Variants in EIPR1 observed in about 807,000 individuals in gnomAD.
The protein encoded by EIPR1 is EARP and GARP complex-interacting protein 1.
EIPR1 carries 25 observed loss-of-function variants against 48.1 expected under a neutral mutation model. The ratio of observed to expected loss-of-function variants is 0.52; its 90% CI spans 0.38 to 0.73. The LOEUF (loss-of-function observed/expected upper bound fraction) is 0.73, where lower values mean the gene tolerates loss of function less well. Ranked by LOEUF, EIPR1 falls within the 30% of genes least tolerant of loss-of-function variation. EIPR1 has a pLI of 0.00. For synonymous variants in EIPR1, 204 were observed against 201.9 expected, an observed-to-expected ratio of 1.01 and a Z score of -0.09; for missense variants, 415 against 506.2, an observed-to-expected ratio of 0.82 and a Z score of 1.73.
intron 3 of EIPR1, among the ~76,000 whole-genome samples, chr2:3,290,833 T>C (rs887143111): frequency 1.3e-5 from 2 of 152,286 alleles, no homozygotes; most frequent in Middle Eastern, 6.8e-3. Context: ...TGCCATCAGA[T>C]TGCATGTGTC....
chr2:3,327,503 TTTTATTGTC>T (rs1462791477), intron 3 of EIPR1, among the ~76,000 whole-genome samples: 2 of 152,104 alleles, frequency 1.3e-5, no homozygotes, highest in Non-Finnish European at 2.9e-5. Flanking sequence ...TTTAAAAAAA[TTTTATTGTC>T]TATACTTAAG....
chr2:3,266,180 C>A (rs1241195332), intron 3 of EIPR1, among the ~76,000 whole-genome samples: 1 of 152,214 alleles, frequency 6.6e-6, no homozygotes, highest in Admixed American at 6.5e-5. Context: ...CTCCAGTCAG[C>A]CCGGCTAAAG....
At chr2:3,370,185 G>A (rs1363255582) in intron 1 of EIPR1, among the ~76,000 whole-genome samples, 1 of 152,322 alleles carries the variant, frequency 6.6e-6, no homozygotes, top group Non-Finnish European at 1.5e-5. Context: ...GGTCCTGTCT[G>A]TTAGAAGGAA....
At position 3,286,432 on chromosome 2, in the gene EIPR1, C is replaced by A. The variant is rs114745127; in HGVS notation, c.260-28977G>T. 3.9e-5 allele frequency among the ~76,000 whole-genome samples: 6 copies of A among 152,094 alleles called. No individual in the cohort carries two copies. Among genetic ancestry groups the A allele is most frequent in the African/African-American group, 7.2e-5 (3 of 41,414 alleles). On this transcript the variant is annotated intron_variant, in intron 3 of 8. Coordinates refer to ENST00000382125, the MANE Select transcript of EIPR1 (RefSeq NM_003310.5). This position sits in a 1 kb window ranked among gnomAD's most constrained non-coding sequence, Gnocchi z 4.2. Reference sequence around the variant, plus strand: ...GCCCAGAAGGAGCAGTGCCAAGGACCCCCGGGGGTGGGGCCATCCTACCAG... The same window carrying A: ...GCCCAGAAGGAGCAGTGCCAAGGACACCCGGGGGTGGGGCCATCCTACCAG...
chr2:3,359,004 G>A (rs972891377), intron 1 of EIPR1, among the ~76,000 whole-genome samples: 2 of 152,204 alleles, frequency 1.3e-5, no homozygotes, highest in Admixed American at 6.5e-5. Flanking sequence ...AGTGGCAGGT[G>A]CTGTGGAGGC....
chr2:3,227,072 G>A (rs546598836), intron 4 of EIPR1, among the ~76,000 whole-genome samples: 1 of 152,344 alleles, frequency 6.6e-6, no homozygotes, highest in African/African-American at 2.4e-5. Context: ...TGCAGAGAGT[G>A]AGGCACTGCT....
intron 4 of EIPR1, among the ~76,000 whole-genome samples, chr2:3,249,638 A>T (rs1402608051): frequency 6.6e-6 from 1 of 152,186 alleles, no homozygotes; most frequent in East Asian, 1.9e-4. Context: ...CTAAAAAGGA[A>T]CCAAGCACTA....
At chr2:3,216,879 C>T (rs878924811) in intron 4 of EIPR1, among the ~76,000 whole-genome samples, 9 of 152,284 alleles carry the variant, frequency 5.9e-5, no homozygotes, top group Admixed American at 3.3e-4. Context: ...ACCGTTAGTA[C>T]ATTTGGATTT....
intron 8 of EIPR1, among the ~76,000 whole-genome samples, chr2:3,191,921 C>T (rs1313668725): frequency 2.0e-5 from 3 of 152,146 alleles, no homozygotes; most frequent in African/African-American, 7.2e-5. Flanking sequence ...TGAAGTAGGA[C>T]CCGGGTTTGA....
rs547279556 is a variant in EIPR1, at chr2:3,198,256, T to C, written c.517-1239A>G. Among the ~76,000 whole-genome samples the C allele has an allele frequency of 2.7e-3, 416 of 152,274 alleles. 2 individuals are homozygous for C. The highest frequency in any genetic ancestry group is 5.1e-3 in the Non-Finnish European group (347 of 68,006). ...TCTCCCAGCAAGAGGCCTCCCAATT[T>C]CAGAGGTGGCCACTGGGAGGCGTGA... On this transcript the variant is annotated intron_variant, in intron 5 of 8. Coordinates refer to ENST00000382125, the MANE Select transcript of EIPR1 (RefSeq NM_003310.5).
In EIPR1 at chr2:3,338,056, G is replaced by T. The variant is rs1454303433; in HGVS notation, c.220C>A (p.Pro74Thr). The T allele has an allele frequency of 6.2e-7, 1 of 1,612,716 alleles. No individual in the cohort carries two copies. Among genetic ancestry groups the T allele is most frequent in the South Asian group, 1.1e-5 (1 of 90,610 alleles). Residue 74 changes from proline (P) to threonine (T), a missense_variant, in exon 3 of 9, where the codon CCT becomes ACT. Physicochemically the swap from Pro to Thr is conservative, Grantham distance 38. Coordinates refer to ENST00000382125, the MANE Select transcript of EIPR1 (RefSeq NM_003310.5). ...GTCGTCAGCACACCTCTGTCTGCAG[G>T]GCTAGCGCTAATATGCCAGATTTCA... ...AGEIWHISAS[P>T]ADRGVLTTCY...
intron 2 of EIPR1, among the ~76,000 whole-genome samples, chr2:3,347,197 T>G (rs549613062): frequency 1.3e-5 from 2 of 152,284 alleles, no homozygotes; most frequent in East Asian, 1.9e-4. Flanking sequence ...ACCTCTTTTC[T>G]TCATGAATTA....
At chr2:3,201,696 A>G (rs1029637541) in intron 5 of EIPR1, among the ~76,000 whole-genome samples, 1 of 152,234 alleles carries the variant, frequency 6.6e-6, no homozygotes, top group Non-Finnish European at 1.5e-5. Context: ...CTAAACGCTA[A>G]GCCACAAGAA....
Position 3,338,129 on chromosome 2 carries a change from G to A in EIPR1, c.147C>T (p.Asp49=), listed in dbSNP as rs199777526. ...TTTTATTTATAATGTTGTTTTCATC[G>A]TCAAAATCTATGATATGGATCTACA... ...YDNQIHIIDF[D]DENNIINKNV... is the part of the protein sequence containing the mutation. Residue 49 remains aspartate (D), a synonymous_variant, in exon 3 of 9, where the codon GAC becomes GAT. Transcript: ENST00000382125. 1.5e-4 allele frequency: 249 copies of A among 1,610,244 alleles called. No individual in the cohort carries two copies. Among genetic ancestry groups the A allele is most frequent in the African/African-American group, 7.4e-4 (55 of 74,770 alleles).
At chr2:3,240,125 C>G (rs1336684701) in intron 4 of EIPR1, among the ~76,000 whole-genome samples, 1 of 151,888 alleles carries the variant, frequency 6.6e-6, no homozygotes, top group Non-Finnish European at 1.5e-5. Flanking sequence ...AAAGCAAAGC[C>G]AGCAGATCCT....
At chr2:3,230,449 G>A (rs1249009823) in intron 4 of EIPR1, among the ~76,000 whole-genome samples, 1 of 152,202 alleles carries the variant, frequency 6.6e-6, no homozygotes, top group Non-Finnish European at 1.5e-5. Flanking sequence ...ACTGTGTGTT[G>A]TGGGCCTGCA....
At chr2:3,350,076 C>G (rs562164710) in intron 2 of EIPR1, among the ~76,000 whole-genome samples, 10 of 142,246 alleles carry the variant, frequency 7.0e-5, no homozygotes, top group African/African-American at 2.6e-4. Flanking sequence ...CGAGATCACG[C>G]CACTGCACTC....
chr2:3,269,402 GCACT>G (rs1309484817), intron 3 of EIPR1, among the ~76,000 whole-genome samples: 3 of 110,374 alleles, frequency 2.7e-5, no homozygotes, highest in African/African-American at 4.5e-5. Context: ...CTCAGTCATC[GCACT>G]CAATCATCGC....
At chr2:3,255,501 A>T (rs1667126997) in intron 4 of EIPR1, among the ~76,000 whole-genome samples, 1 of 152,208 alleles carries the variant, frequency 6.6e-6, no homozygotes, top group South Asian at 2.1e-4. Context: ...CTATTTTCAT[A>T]AGTCTATGTA....
Sources: gnomAD v4.1 joint callset for allele counts (sites outside exome capture counted in the v4.1 genomes callset) on GRCh38, gnomAD v4.1.1 for gene constraint, Gnocchi (gnomAD v3.1) non-coding constraint, MANE v1.5 for transcripts, NCBI Gene and HGNC (gene_info 2026-07-23, HGNC 2026-07-21) for gene names.